The following FOXP2 variants were observed in gnomAD, a reference collection of about 807,000 sequenced individuals.
FOXP2 encodes the protein forkhead box P2, also known as forkhead box protein P2.
Under a neutral mutation model 115.8 loss-of-function variants are expected in FOXP2, and 12 were observed. That is an observed-to-expected ratio of 0.10 (90% CI 0.07 to 0.17). The LOEUF is 0.17. Among genes scored for constraint, FOXP2 ranks in the 10% least tolerant of loss-of-function variants. The probability of loss-of-function intolerance (pLI) is 1.00; values close to 1 mark genes in which losing one functional copy is unlikely to be tolerated. For synonymous variants in FOXP2, 328 were observed against 297.7 expected, an observed-to-expected ratio of 1.10 and a Z score of -1.05; for missense variants, 629 against 843.5, an observed-to-expected ratio of 0.75 and a Z score of 3.15.
chr7:114,552,742 T>C (rs1472715065), intron 3 of FOXP2, among the ~76,000 whole-genome samples: 1 of 152,154 alleles, frequency 6.6e-6, no homozygotes, highest in Non-Finnish European at 1.5e-5. Context: ...CCAGCTTATC[T>C]GTTTAGAGTA....
At position 114,453,560 on chromosome 7, in the gene FOXP2, G is replaced by A. The variant is rs922232751; in HGVS notation, c.168+26881G>A. ...TTCTTGGTGGCAAGACATGTGCCAG[G>A]GATTAAAATTTAAGTAAGAAAGATT... On this transcript the variant is annotated intron_variant, in intron 2 of 16. Transcript: ENST00000350908. Among the ~76,000 whole-genome samples the A allele has an allele frequency of 4.6e-5, 7 of 151,706 alleles. No individual in the cohort carries two copies. In the South Asian group the frequency reaches 1.5e-3, roughly 32 times the overall value.
chr7:114,627,138 A>G (rs1389684800), intron 3 of FOXP2, among the ~76,000 whole-genome samples: 1 of 146,812 alleles, frequency 6.8e-6, no homozygotes, highest in Non-Finnish European at 1.5e-5. Context: ...TCCACCCTGG[A>G]TTTCTTTTTT....
intron 2 of FOXP2, among the ~76,000 whole-genome samples, chr7:114,457,274 A>G (rs960298453): frequency 6.6e-6 from 1 of 152,196 alleles, no homozygotes; most frequent in Non-Finnish European, 1.5e-5. Context: ...TGTTCATCTT[A>G]AGTATATACC....
At chr7:114,309,943 G>T (rs569695792) in intron 2 of FOXP2, among the ~76,000 whole-genome samples, 2 of 151,898 alleles carry the variant, frequency 1.3e-5, no homozygotes, top group South Asian at 4.2e-4. Context: ...GGGATTAAAG[G>T]CATGAGCCAC....
chr7:114,639,261 T>C (rs977756167), intron 6 of FOXP2, among the ~76,000 whole-genome samples: 2 of 152,164 alleles, frequency 1.3e-5, no homozygotes, highest in Non-Finnish European at 2.9e-5. Flanking sequence ...AATATTCATA[T>C]AGAGTATGCC....
At chr7:114,581,760 C>T (rs1801881119) in intron 3 of FOXP2, among the ~76,000 whole-genome samples, 1 of 152,164 alleles carries the variant, frequency 6.6e-6, no homozygotes, top group African/African-American at 2.4e-5. Context: ...TTTGTGTTTT[C>T]CCTATGCATT....
intron 2 of FOXP2, among the ~76,000 whole-genome samples, chr7:114,305,979 C>A (rs956074861): frequency 6.6e-6 from 1 of 151,978 alleles, no homozygotes; most frequent in Non-Finnish European, 1.5e-5. Flanking sequence ...AAAAAAGCAA[C>A]TGGGCTTTTT....
Position 114,254,525 on chromosome 7 carries a change from C to T in FOXP2, c.-101-33494C>T, listed in dbSNP as rs188482504. 5.4e-3 allele frequency among the ~76,000 whole-genome samples: 819 copies of T among 152,294 alleles called. 8 individuals carry two copies. Among genetic ancestry groups the T allele is most frequent in the African/African-American group, 0.018 (737 of 41,566 alleles). On this transcript the variant is annotated intron_variant, in intron 1 of 17. Transcript: ENST00000634411. ...TCTTTTTTCTCTAAACTTCTCTTCTCGCTTCATTTCATTCATTTGATCTTC... is the reference window on the plus strand; with the variant it reads ...TCTTTTTTCTCTAAACTTCTCTTCTTGCTTCATTTCATTCATTTGATCTTC...
At chr7:114,239,383 T>C (rs1468797262) in intron 1 of FOXP2, among the ~76,000 whole-genome samples, 1 of 152,202 alleles carries the variant, frequency 6.6e-6, no homozygotes, top group East Asian at 1.9e-4. Flanking sequence ...TTACTTAATG[T>C]CAAAAACTTT....
chr7:114,661,990 A>G, intron 13 of FOXP2, 75 bp from the exon 14 acceptor site: 1 of 1,563,188 alleles, frequency 6.4e-7, no homozygotes, highest in Non-Finnish European at 8.8e-7. Context: ...AGTAAGATCA[A>G]TAATGTAGTA....
At chr7:114,644,945 G>A in intron 8 of FOXP2, 156 bp downstream of exon 8, 1 of 597,186 alleles carries the variant, frequency 1.7e-6, no homozygotes, top group South Asian at 2.0e-5. Context: ...GGATTAGTAA[G>A]ATCAGGCTTC....
chr7:114,421,571 A>G (rs1292876997), intron 1 of FOXP2, among the ~76,000 whole-genome samples: 1 of 151,684 alleles, frequency 6.6e-6, no homozygotes, highest in Non-Finnish European at 1.5e-5. Flanking sequence ...AAAAAGTAGT[A>G]ACAAATACTT....
At chr7:114,132,035 C>G (rs1445358810) in intron 1 of FOXP2, among the ~76,000 whole-genome samples, 1 of 151,986 alleles carries the variant, frequency 6.6e-6, no homozygotes, top group African/African-American at 2.4e-5. Flanking sequence ...GTTATGTCTT[C>G]TTGGAAAAGC....
chr7:114,241,834 C>T (rs1159899676), intron 1 of FOXP2, among the ~76,000 whole-genome samples: 1 of 151,606 alleles, frequency 6.6e-6, no homozygotes, highest in African/African-American at 2.4e-5. Flanking sequence ...TTACCATCTG[C>T]CCAAACCAAA....
At chr7:114,137,167 G>C (rs892402654) in intron 1 of FOXP2, among the ~76,000 whole-genome samples, 2 of 151,990 alleles carry the variant, frequency 1.3e-5, no homozygotes, top group Non-Finnish European at 2.9e-5. Flanking sequence ...TTTCCCATTT[G>C]TTGTGAGTAT....
At chr7:114,344,826 A>C (rs190832159) in intron 2 of FOXP2, among the ~76,000 whole-genome samples, 2 of 151,948 alleles carry the variant, frequency 1.3e-5, no homozygotes, top group Admixed American at 6.6e-5. Flanking sequence ...GCCTAGTATG[A>C]GCAGACATAA....
chr7:114,327,109 T>C (rs1275682665), intron 2 of FOXP2, among the ~76,000 whole-genome samples: 2 of 152,214 alleles, frequency 1.3e-5, no homozygotes, highest in Middle Eastern at 3.2e-3. Flanking sequence ...TTTGATCTCA[T>C]TGCATCTTGT....
At chr7:114,596,187 T>C (rs1354332859) in intron 3 of FOXP2, among the ~76,000 whole-genome samples, 1 of 152,088 alleles carries the variant, frequency 6.6e-6, no homozygotes, top group Non-Finnish European at 1.5e-5. Flanking sequence ...AGAGAAGTCA[T>C]GGTTCCCTTG....
intron 16 of FOXP2, among the ~76,000 whole-genome samples, chr7:114,672,296 T>A (rs1807529238): frequency 6.6e-6 from 1 of 152,118 alleles, no homozygotes. Flanking sequence ...AAAAAGTACA[T>A]ATTGTTGGCC....
Sources: allele counts gnomAD v4.1 joint callset (sites outside exome capture counted in the v4.1 genomes callset), GRCh38; gene constraint gnomAD v4.1.1; transcripts MANE v1.5; gene names NCBI Gene and HGNC (gene_info 2026-07-23, HGNC 2026-07-21).